TUFT1: variants seen among roughly 807,000 people sequenced by gnomAD.
TUFT1 encodes tuftelin.
Under a neutral mutation model 57.8 loss-of-function variants are expected in TUFT1, and 43 were observed. The observed-to-expected ratio is 0.74, with a 90% CI of 0.58 to 0.96. The LOEUF (loss-of-function observed/expected upper bound fraction) is 0.96. Ranked by LOEUF, TUFT1 falls within the 40% of genes least tolerant of loss-of-function variation. The probability of loss-of-function intolerance (pLI) is 0.00; values close to 1 mark genes in which losing one functional copy is unlikely to be tolerated. For synonymous variants in TUFT1, 166 were observed against 176.7 expected (o/e 0.94, Z 0.48); for missense variants, 459 against 489.0 (o/e 0.94, Z 0.58).
At chr1:151,556,922 C>T (rs985447556) in intron 1 of TUFT1, among the ~76,000 whole-genome samples, 6 of 151,982 alleles carry the variant, frequency 3.9e-5, no homozygotes, top group African/African-American at 1.5e-4. Context: ...TGCAGTGAGC[C>T]GAGATTGCGT....
intron 1 of TUFT1, among the ~76,000 whole-genome samples, chr1:151,543,799 G>GC (rs141715033): frequency 0.063 from 9,492 of 151,620 alleles, 342 homozygotes; most frequent in Non-Finnish European, 0.075. Flanking sequence ...TGACTGATAG[G>GC]CCCCCCCCAG....
At chr1:151,562,204 A>C in intron 2 of TUFT1, 39 bp downstream of exon 2, 1 of 1,568,184 alleles carries the variant, frequency 6.4e-7, no homozygotes, top group Non-Finnish European at 8.8e-7. Flanking sequence ...CCCTCCCCAC[A>C]CCAGTGCTTC....
Position 151,574,920 on chromosome 1 carries a change from G to A in TUFT1, c.733G>A (p.Ala245Thr). 6.4e-7 allele frequency: 1 copy of A among 1,571,212 alleles called. No individual in the cohort carries two copies. The highest frequency in any genetic ancestry group is 8.6e-7 in the Non-Finnish European group (1 of 1,157,634). ...RLLGMETEHQALLAKVREGEV... is the reference protein window; with the variant it reads ...RLLGMETEHQTLLAKVREGEV... The stretch of plus-strand genomic sequence containing the variant: ...TTTGTGGCCCACCCAGGAGCATCAG[G>A]CCTTACTGGCGAAAGTGAGGGAAGG... Residue 245 changes from alanine to threonine, a missense_variant, in exon 9 of 13, where the codon GCC becomes ACC. Ala to Thr is a moderately conservative substitution (Grantham distance 58). Transcript: ENST00000368849.
At position 151,574,381 on chromosome 1, in the gene TUFT1, T is replaced by G. The variant is rs138166845; in HGVS notation, c.706T>G (p.Leu236Val). The change falls in exon 8 of 13, where the codon TTG (leucine) becomes GTG (valine). Residue 236 changes from leucine to valine, a missense_variant. By Grantham distance (32) the Leu-to-Val change is conservative. Transcript: ENST00000368849. ...EAEVGELQRR[L>V]LGMETEHQAL... is the part of the protein sequence containing the mutation. ...AGAAGTCGGAGAGCTGCAGAGGCGC[T>G]TGCTAGGGATGGAGACGGTAACCGG... The G allele has an allele frequency of 3.7e-6, 6 of 1,613,914 alleles. No individual in the cohort carries two copies. The highest frequency in any genetic ancestry group is 1.3e-5 in the African/African-American group (1 of 74,884).
intron 7 of TUFT1, among the ~76,000 whole-genome samples, chr1:151,572,674 A>G (rs533795074): frequency 3.0e-4 from 46 of 152,278 alleles, no homozygotes; most frequent in Non-Finnish European, 5.9e-4. Context: ...CAAGATGATC[A>G]ATTACCATGA....
chr1:151,555,053 C>T lies in TUFT1; in HGVS notation c.61-7038C>T, dbSNP rs576871557. 2.3e-3 allele frequency among the ~76,000 whole-genome samples: 347 copies of T among 148,362 alleles called. 1 individual carries two copies. Among genetic ancestry groups the T allele is most frequent in the African/African-American group, 8.1e-3 (326 of 40,336 alleles). On this transcript the variant is annotated intron_variant, in intron 1 of 12. Transcript: ENST00000368849. ...AAAAGTTCTAAATTTTAAGGCCGGG[C>T]ATGGTGGCTCACTCCTGTAATCCCA...
chr1:151,574,859 C>T, intron 8 of TUFT1, 52 bp from the exon 9 acceptor site: 1 of 1,487,176 alleles, frequency 6.7e-7, no homozygotes. Context: ...AGCCCAAACG[C>T]AGAAACTGTT....
intron 9 of TUFT1, 123 bp downstream of exon 9, chr1:151,575,128 C>G: frequency 2.4e-6 from 2 of 835,054 alleles, no homozygotes; most frequent in Non-Finnish European, 3.8e-6. Flanking sequence ...GTCAGATCTT[C>G]CAGCTCTGAC....
intron 1 of TUFT1, among the ~76,000 whole-genome samples, chr1:151,542,932 C>G (rs1490571713): frequency 2.0e-5 from 3 of 152,162 alleles, no homozygotes; most frequent in Non-Finnish European, 4.4e-5. Context: ...TGAATGGGTG[C>G]TCAATTCATG....
intron 7 of TUFT1, among the ~76,000 whole-genome samples, chr1:151,570,226 A>T (rs573102039): frequency 1.2e-4 from 18 of 152,288 alleles, no homozygotes; most frequent in African/African-American, 4.1e-4. Flanking sequence ...TTGTAGAAAG[A>T]ACTGTACCCA....
At chr1:151,564,825 C>G (rs573256133) in intron 5 of TUFT1, 7 of 461,944 alleles carry the variant, frequency 1.5e-5, no homozygotes, top group Admixed American at 3.7e-5. Flanking sequence ...TCAGCTTAAA[C>G]ATAAGTACAC....
intron 1 of TUFT1, chr1:151,545,995 A>AT (rs1184630756): frequency 5.7e-6 from 1 of 174,588 alleles, no homozygotes; most frequent in South Asian, 5.7e-5. Context: ...GAATATTTGC[A>AT]TTTTTTTCTT....
chr1:151,541,240 G>A (rs1665156561), intron 1 of TUFT1, among the ~76,000 whole-genome samples: 1 of 152,158 alleles, frequency 6.6e-6, no homozygotes, highest in Non-Finnish European at 1.5e-5. Context: ...CTTCTGGACG[G>A]GGAGAGGGTT....
At chr1:151,545,074 GCTGAGGCAGGTGGATCAC>G (rs1036375001) in intron 1 of TUFT1, among the ~76,000 whole-genome samples, 1 of 151,264 alleles carries the variant, frequency 6.6e-6, no homozygotes, top group African/African-American at 2.4e-5. Context: ...ACTTTGGGAG[GCTGAGGCAGGTGGATCAC>G]CTGAGATCAG....
chr1:151,560,055 C>T (rs12746531), intron 1 of TUFT1, among the ~76,000 whole-genome samples: 2 of 150,538 alleles, frequency 1.3e-5, no homozygotes, highest in East Asian at 4.1e-4. Flanking sequence ...CTCGGCCTCC[C>T]AAAGTGCTGG....
At chr1:151,566,565 A>G (rs538299833) in intron 6 of TUFT1, among the ~76,000 whole-genome samples, 22 of 152,232 alleles carry the variant, frequency 1.4e-4, no homozygotes, top group African/African-American at 5.1e-4. Context: ...CATTGTTCCA[A>G]TAGGTGGCCT....
rs150367520 is a variant in TUFT1 at position 151,579,618 on chromosome 1, A to G, written c.925-31A>G. ...TGAGTGTGTAATGAGTCATTGCAAA[A>G]TGAGCTCCAGTGTCTCCCACACCTT... On this transcript the variant is annotated intron_variant, in intron 10 of 12. Coordinates refer to ENST00000368849, the MANE Select transcript of TUFT1 (RefSeq NM_020127.3). The G allele has an allele frequency of 4.4e-5, 71 of 1,612,098 alleles. No homozygotes were observed. In the East Asian group the frequency reaches 1.6e-3, roughly 36 times the overall value.
In TUFT1 at chr1:151,578,731, C is replaced by A; in HGVS notation, c.829C>A (p.Leu277Met). ...GGTCTTTATCCCCAGGGCTGCTACC[C>A]TGGAAAAGGAAGTGGCCGGGTTGCG... ...CQAEREKAATLEKEVAGLREK... is the reference protein window; with the variant it reads ...CQAEREKAATMEKEVAGLREK... The change falls in exon 10 of 13, where the codon CTG (leucine) becomes ATG (methionine). Residue 277 changes from leucine (L) to methionine (M), a missense_variant. Physicochemically the swap from Leu to Met is conservative, Grantham distance 15. Coordinates refer to ENST00000368849, the MANE Select transcript of TUFT1 (RefSeq NM_020127.3). 1 of 1,569,152 alleles carries A rather than the reference C, an allele frequency of 6.4e-7. No homozygotes were observed. The highest frequency in any genetic ancestry group is 1.2e-5 in the South Asian group (1 of 85,542).
intron 1 of TUFT1, among the ~76,000 whole-genome samples, chr1:151,558,274 G>A (rs190119880): frequency 6.6e-6 from 1 of 151,786 alleles, no homozygotes; most frequent in East Asian, 1.9e-4. Flanking sequence ...TGAATTGACC[G>A]TTCTTCTCTT....
Sources: allele counts gnomAD v4.1 joint callset (sites outside exome capture counted in the v4.1 genomes callset), GRCh38; gene constraint gnomAD v4.1.1; transcripts MANE v1.5; gene names NCBI Gene and HGNC (gene_info 2026-07-23, HGNC 2026-07-21).